The following HELLS variants were observed in gnomAD, a reference collection of about 807,000 sequenced individuals.
HELLS encodes the protein lymphoid-specific helicase.
In HELLS, 32 loss-of-function variants were observed where a neutral mutation model predicts 120.0. The ratio of observed to expected loss-of-function variants is 0.27; its 90% CI spans 0.20 to 0.36. The LOEUF (loss-of-function observed/expected upper bound fraction) is 0.36, where lower values mean the gene tolerates loss of function less well. Ranked by LOEUF, HELLS falls within the 10% of genes least tolerant of loss-of-function variation. The probability of loss-of-function intolerance (pLI) is 1.00; values close to 1 mark genes in which losing one functional copy is unlikely to be tolerated. For synonymous variants in HELLS, 341 were observed against 323.4 expected (o/e 1.05, Z -0.58); for missense variants, 650 against 993.4 (o/e 0.65, Z 4.65).
chr10:94,583,886 ATATC>A (rs2134086086), intron 12 of HELLS: 1 of 408,932 alleles, frequency 2.4e-6, no homozygotes, highest in South Asian at 1.0e-4. Context: ...ATAATTAATA[ATATC>A]TATCTCTTCC....
rs1305608322 is a variant in HELLS, at chr10:94,574,121, A to G, written c.639A>G (p.Gln213=). 1.9e-6 allele frequency: 3 copies of G among 1,614,044 alleles called. No homozygotes were observed. Among genetic ancestry groups the G allele is most frequent in the South Asian group, 1.1e-5 (1 of 91,092 alleles). ...RKCNGQPVPF[Q]QPKHFTGGVM... is the part of the protein sequence containing the mutation. ...GTAATGGTCAGCCAGTACCTTTTCA[A>G]CAACCAAAGCACTTCACTGGAGGAG... The change falls in exon 8 of 22, where the codon CAA becomes CAG. Residue 213 remains glutamine, a synonymous_variant. Transcript: ENST00000348459.
In HELLS at chr10:94,566,251, A is replaced by T. The variant is rs566668983; in HGVS notation, c.435+3375A>T. Among the ~76,000 whole-genome samples the T allele has an allele frequency of 2.0e-5, 3 of 152,236 alleles. No homozygotes were observed. The East Asian group carries it at 5.8e-4, about 29-fold the overall frequency. Reference sequence around the variant, plus strand: ...TGGCATGCAGTTCCTGAACCTTTTCATCTATGAAAAGGAAATGATATCTGT... The same window carrying T: ...TGGCATGCAGTTCCTGAACCTTTTCTTCTATGAAAAGGAAATGATATCTGT... On this transcript the variant is annotated intron_variant, in intron 6 of 21. Coordinates refer to ENST00000348459, the MANE Select transcript of HELLS (RefSeq NM_018063.5).
intron 4 of HELLS, among the ~76,000 whole-genome samples, chr10:94,558,786 A>G (rs1843396042): frequency 6.6e-6 from 1 of 152,016 alleles, no homozygotes; most frequent in Non-Finnish European, 1.5e-5. Context: ...TATTTTCAGT[A>G]GAGACAGAGT....
At chr10:94,554,965 A>T (rs950313505) in intron 3 of HELLS, among the ~76,000 whole-genome samples, 1 of 152,036 alleles carries the variant, frequency 6.6e-6, no homozygotes, top group Admixed American at 6.6e-5. Context: ...GCTGGGTAAT[A>T]TGGCAAAACC....
rs529051255 is a variant in HELLS, at chr10:94,577,125, C to A, written c.1032+320C>A. 2.4e-5 allele frequency: 11 copies of A among 453,146 alleles called. No homozygotes were observed. The East Asian group carries it at 6.8e-4, about 28-fold the overall frequency. The allele number at this position is 453,146 out of a possible 1,614,324, so 28.1% of individuals were successfully genotyped here. ...CTTTGAATATATGGAATTTACTTAT[C>A]GTATTTTAATCAAATAAGAGTATTT... is the stretch of plus-strand genomic sequence containing the variant. On this transcript the variant is annotated intron_variant, in intron 10 of 21. Transcript: ENST00000348459.
In HELLS at chr10:94,601,667, G is replaced by A. The variant is rs1330463404; in HGVS notation, c.*45G>A. Reference sequence around the variant, plus strand: ...TTTTAAAAGTTCTTATTTACATCTAGTGATTTCCCTGTATTGGGTTTGAAA... The same window carrying A: ...TTTTAAAAGTTCTTATTTACATCTAATGATTTCCCTGTATTGGGTTTGAAA... On this transcript the variant is annotated 3_prime_UTR_variant, in exon 22 of 22. Coordinates refer to ENST00000348459, the MANE Select transcript of HELLS (RefSeq NM_018063.5). 2 of 1,008,626 alleles carry A rather than the reference G, an allele frequency of 2.0e-6. No individual in the cohort carries two copies. Among genetic ancestry groups the A allele is most frequent in the Non-Finnish European group, 3.0e-6 (2 of 657,574 alleles). 62.5% of individuals were successfully genotyped at this position (1,008,626 alleles called of 1,614,324 possible).
At chr10:94,556,605 C>T (rs1470191579) in intron 3 of HELLS, among the ~76,000 whole-genome samples, 2 of 152,134 alleles carry the variant, frequency 1.3e-5, no homozygotes, top group Non-Finnish European at 2.9e-5. Context: ...TAATTCTTCT[C>T]GCCCGTCCCT....
intron 21 of HELLS, among the ~76,000 whole-genome samples, chr10:94,599,754 A>G (rs1845936435): frequency 6.6e-6 from 1 of 152,238 alleles, no homozygotes; most frequent in Admixed American, 6.5e-5. Context: ...TGTAACAGCA[A>G]TAATTGTTTA....
chr10:94,564,042 T>C (rs1843676580), intron 6 of HELLS, among the ~76,000 whole-genome samples: 1 of 152,154 alleles, frequency 6.6e-6, no homozygotes, highest in Non-Finnish European at 1.5e-5. Context: ...ACTCCTGACC[T>C]CAGGGGATCC....
intron 15 of HELLS, among the ~76,000 whole-genome samples, chr10:94,591,107 T>G (rs1845468742): frequency 6.6e-6 from 1 of 152,230 alleles, no homozygotes; most frequent in Admixed American, 6.5e-5. Context: ...GTGCTAGGAT[T>G]ACAGGCAAGA....
At chr10:94,578,711 A>G (rs913249102) in intron 10 of HELLS, among the ~76,000 whole-genome samples, 1 of 152,120 alleles carries the variant, frequency 6.6e-6, no homozygotes, top group African/African-American at 2.4e-5. Flanking sequence ...TAATTTTACA[A>G]CTCAACATAA....
At chr10:94,563,087 C>A (rs1301554643) in intron 6 of HELLS, among the ~76,000 whole-genome samples, 1 of 151,728 alleles carries the variant, frequency 6.6e-6, no homozygotes, top group African/African-American at 2.4e-5. Context: ...AAACTAATGT[C>A]ATCTGACCTT....
At chr10:94,558,983 A>G (rs1843412072) in intron 4 of HELLS, among the ~76,000 whole-genome samples, 1 of 152,156 alleles carries the variant, frequency 6.6e-6, no homozygotes, top group African/African-American at 2.4e-5. Flanking sequence ...TGATGCAAGG[A>G]GATAAAGAAC....
chr10:94,604,724 A>C (rs1375966957), downstream of HELLS, among the ~76,000 whole-genome samples: 1 of 152,132 alleles, frequency 6.6e-6, no homozygotes, highest in African/African-American at 2.4e-5. Flanking sequence ...ATGGCTGTGT[A>C]AGTATTATTA....
chr10:94,606,447 A>C (rs2134144182), downstream of HELLS, among the ~76,000 whole-genome samples: 1 of 151,920 alleles, frequency 6.6e-6, no homozygotes, highest in South Asian at 2.1e-4. Flanking sequence ...GGCTCAAGCC[A>C]TCTTCCCATC....
At chr10:94,600,188 G>A (rs893219988) in intron 21 of HELLS, among the ~76,000 whole-genome samples, 1 of 152,080 alleles carries the variant, frequency 6.6e-6, no homozygotes, top group African/African-American at 2.4e-5. Flanking sequence ...CTACTCAGAA[G>A]GCTGAGGCAG....
intron 10 of HELLS, among the ~76,000 whole-genome samples, chr10:94,577,252 G>A (rs1196768215): frequency 3.3e-5 from 5 of 152,074 alleles, no homozygotes; most frequent in Non-Finnish European, 5.9e-5. Flanking sequence ...TTTCCAGTTA[G>A]CATAACAGAA....
chr10:94,562,999 T>C, intron 6 of HELLS, 123 bp downstream of exon 6: 2 of 642,386 alleles, frequency 3.1e-6, no homozygotes, highest in East Asian at 5.6e-5. Context: ...GAATTTAATA[T>C]TATATATCAT....
rs756021887 is a variant in HELLS, at chr10:94,597,124, C to CT, written c.2422+21dup. The CT allele has an allele frequency of 2.2e-4, 323 of 1,483,384 alleles. No homozygotes were observed. Among genetic ancestry groups the CT allele is most frequent in the Middle Eastern group, 3.5e-4 (2 of 5,764 alleles). 91.9% of individuals were successfully genotyped at this position (1,483,384 alleles called of 1,614,324 possible). The stretch of plus-strand genomic sequence containing the variant: ...AGTGATCTTATTGGTAAGTATTATG[C>CT]TTTTTTTTAATGGAAGCTTCGAAAC... On this transcript the variant is annotated intron_variant, in intron 21 of 21. Transcript: ENST00000348459.
Sources: allele counts gnomAD v4.1 joint callset (sites outside exome capture counted in the v4.1 genomes callset), GRCh38; gene constraint gnomAD v4.1.1; transcripts MANE v1.5; gene names NCBI Gene and HGNC (gene_info 2026-07-23, HGNC 2026-07-21).